Variants in CILP2 observed in about 807,000 individuals in gnomAD.
CILP2 encodes CILP-2.
Under a neutral mutation model 45.6 loss-of-function variants are expected in CILP2, and 38 were observed. The observed-to-expected ratio is 0.83, with a 90% CI of 0.64 to 1.09. The LOEUF is 1.09. Among genes scored for constraint, CILP2 ranks in the 50% least tolerant of loss-of-function variants. The pLI is 0.00. For missense variants in CILP2, 1,735 were observed against 1,662.2 expected, an observed-to-expected ratio of 1.04 and a Z score of -0.76; for synonymous variants, 780 against 723.5, an observed-to-expected ratio of 1.08 and a Z score of -1.25.
chr19:19,540,377 G>T lies in CILP2; in HGVS notation c.337G>T (p.Val113Leu). ...WALPSAVGER[V>L]HLNPTRGFWC... ...CCTGCCGTCCGCCGTCGGCGAGCGC[G>T]TGCACTTGAACCCCACGCGCGGCTT... is the stretch of plus-strand genomic sequence containing the variant. The change falls in exon 3 of 8, where the codon GTG becomes TTG. Residue 113 changes from valine to leucine, a missense_variant. Transcript: ENST00000291495. 6.5e-7 allele frequency: 1 copy of T among 1,543,466 alleles called. No individual in the cohort carries two copies. Among genetic ancestry groups the T allele is most frequent in the Middle Eastern group, 1.7e-4 (1 of 5,754 alleles).
chr19:19,544,678 G>A lies in CILP2; in HGVS notation c.2133G>A (p.Glu711=). ...CGGGCCCCCGGGTGCGCCGGGAGGA[G>A]CGCGTCTTCCTGGTGGGCAACGTGG... is the stretch of plus-strand genomic sequence containing the variant. The part of the protein sequence containing the change: ...GSSGPRVRRE[E]RVFLVGNVEI... Residue 711 remains glutamate, a synonymous_variant, in exon 8 of 8, where the codon GAG becomes GAA. Coordinates refer to ENST00000291495, the MANE Select transcript of CILP2 (RefSeq NM_153221.2). 1.3e-6 allele frequency: 2 copies of A among 1,571,948 alleles called. No homozygotes were observed. Among genetic ancestry groups the A allele is most frequent in the Non-Finnish European group, 1.7e-6 (2 of 1,165,542 alleles).
At chr19:19,538,456 G>T (rs1392721820) in intron 1 of CILP2, 43 bp downstream of exon 1, 2 of 1,428,920 alleles carry the variant, frequency 1.4e-6, no homozygotes, top group Non-Finnish European at 9.2e-7. Flanking sequence ...TGAGGCTCCC[G>T]AGGGCCTGGC....
Position 19,544,498 on chromosome 19 carries a change from C to G in CILP2, c.1953C>G (p.Gly651=). ...GMFSVDLRAP[G]SAEQLQVGPV... is the part of the protein sequence containing the mutation. ...TCTCCGTGGACCTCCGTGCGCCCGG[C>G]TCCGCGGAGCAGCTGCAGGTGGGGC... Residue 651 remains glycine, a synonymous_variant, in exon 8 of 8, where the codon GGC becomes GGG. Transcript: ENST00000291495. 6.2e-7 allele frequency: 1 copy of G among 1,602,486 alleles called. No homozygotes were observed. The highest frequency in any genetic ancestry group is 8.5e-7 in the Non-Finnish European group (1 of 1,177,992).
Position 19,544,249 on chromosome 19 carries a change from C to G in CILP2, c.1704C>G (p.Asn568Lys), listed in dbSNP as rs753265415. ...APVILHTSQSNTIPLGELEDE... is the reference protein window; with the variant it reads ...APVILHTSQSKTIPLGELEDE... Reference sequence around the variant, plus strand: ...TCATTTTACATACCAGCCAGAGCAACACGATCCCCCTGGGCGAGCTGGAAG... The same window carrying G: ...TCATTTTACATACCAGCCAGAGCAAGACGATCCCCCTGGGCGAGCTGGAAG... The change falls in exon 8 of 8, where the codon AAC becomes AAG. Residue 568 changes from asparagine (N) to lysine (K), a missense_variant. Asn to Lys is a moderately conservative substitution (Grantham distance 94). Coordinates refer to ENST00000291495, the MANE Select transcript of CILP2 (RefSeq NM_153221.2). 5 of 1,613,764 alleles carry G rather than the reference C, an allele frequency of 3.1e-6. No homozygotes were observed. The African/African-American group carries it at 6.7e-5, about 22-fold the overall frequency.
Position 19,545,872 on chromosome 19 carries a change from C to T in CILP2, c.3327C>T (p.Ala1109=), listed in dbSNP as rs760335988. 207 of 1,587,408 alleles carry T rather than the reference C, an allele frequency of 1.3e-4. No individual in the cohort carries two copies. Among genetic ancestry groups the T allele is most frequent in the Admixed American group, 6.2e-4 (36 of 58,276 alleles). Residue 1109 remains alanine, a synonymous_variant, in exon 8 of 8, where the codon GCC becomes GCT. Coordinates refer to ENST00000291495, the MANE Select transcript of CILP2 (RefSeq NM_153221.2). ...CCTTCCAGTGCCGGGAGCCACCGGC[C>T]GGACGACCCAGCCTCTTCCAGAGGC... The part of the protein sequence containing the change: ...AVTFQCREPP[A]GRPSLFQRLL...
In CILP2 at chr19:19,544,354, G is replaced by A. The variant is rs1181189513; in HGVS notation, c.1809G>A (p.Val603=). The A allele has an allele frequency of 6.2e-7, 1 of 1,610,658 alleles. No individual in the cohort carries two copies. The highest frequency in any genetic ancestry group is 2.2e-5 in the East Asian group (1 of 44,846). ...ACGGCAAACCCTACTCGGGGCCTGT[G>A]GAGGCCCGGGTGACGTTCGTGGACC... is the stretch of plus-strand genomic sequence containing the variant. The part of the protein sequence containing the change: ...RADGKPYSGP[V]EARVTFVDPR... The change falls in exon 8 of 8, where the codon GTG becomes GTA. Residue 603 remains valine, a synonymous_variant. Coordinates refer to ENST00000291495, the MANE Select transcript of CILP2 (RefSeq NM_153221.2).
Position 19,546,220 on chromosome 19 carries a change from A to G in CILP2, c.*204A>G. 1 of 450,660 alleles carries G rather than the reference A, an allele frequency of 2.2e-6. No individual in the cohort carries two copies. The highest frequency in any genetic ancestry group is 3.8e-6 in the Non-Finnish European group (1 of 262,660). The allele number at this position is 450,660 out of a possible 1,614,324, so 27.9% of individuals were successfully genotyped here. A position where few individuals can be genotyped will look rare whatever the true frequency, so the allele number is the denominator to read the frequency against. Reference sequence around the variant, plus strand: ...AGACAATTGTTGCTGTGTGGTATGGAATGGAGTTTGCGGTGACTCTGGGGC... The same window carrying G: ...AGACAATTGTTGCTGTGTGGTATGGGATGGAGTTTGCGGTGACTCTGGGGC... On this transcript the variant is annotated 3_prime_UTR_variant, in exon 8 of 8. Coordinates refer to ENST00000291495, the MANE Select transcript of CILP2 (RefSeq NM_153221.2).
Position 19,544,878 on chromosome 19 carries a change from G to T in CILP2, c.2333G>T (p.Trp778Leu). ...APGFSANPRAWGRFDSAVTGP... is the reference protein window; with the variant it reads ...APGFSANPRALGRFDSAVTGP... ...GGCTTCTCCGCCAACCCCCGTGCCT[G>T]GGGCCGCTTTGACAGCGCGGTCACC... Residue 778 changes from tryptophan to leucine, a missense_variant, in exon 8 of 8, where the codon TGG becomes TTG. Coordinates refer to ENST00000291495, the MANE Select transcript of CILP2 (RefSeq NM_153221.2). 1 of 1,590,618 alleles carries T rather than the reference G, an allele frequency of 6.3e-7. No individual in the cohort carries two copies. The highest frequency in any genetic ancestry group is 8.5e-7 in the Non-Finnish European group (1 of 1,176,258).
chr19:19,540,417 G>T lies in CILP2; in HGVS notation c.377G>T (p.Arg126Leu), dbSNP rs763206432. Residue 126 changes from arginine (R) to leucine (L), a missense_variant, in exon 3 of 8, where the codon CGC (arginine) becomes CTC (leucine). Physicochemically the swap from Arg to Leu is moderately radical, Grantham distance 102. Transcript: ENST00000291495. ...ACGCGCGGCTTCTGGTGCCTCAACCGCGAGCAACCGCGTGGCCGCCGCTGC... is the reference window on the plus strand; with the variant it reads ...ACGCGCGGCTTCTGGTGCCTCAACCTCGAGCAACCGCGTGGCCGCCGCTGC... Reference protein sequence around the residue: ...NPTRGFWCLNREQPRGRRCSN... With the variant: ...NPTRGFWCLNLEQPRGRRCSN... 2 of 1,491,672 alleles carry T rather than the reference G, an allele frequency of 1.3e-6. No homozygotes were observed. Among genetic ancestry groups the T allele is most frequent in the South Asian group, 1.3e-5 (1 of 77,846 alleles). 92.4% of individuals were successfully genotyped at this position (1,491,672 alleles called of 1,614,324 possible). A position where few individuals can be genotyped will look rare whatever the true frequency, so the allele number is the denominator to read the frequency against.
At position 19,542,884 on chromosome 19, in the gene CILP2, C is replaced by T. The variant is rs2061249501; in HGVS notation, c.889C>T (p.His297Tyr). 1 of 1,613,876 alleles carries T rather than the reference C, an allele frequency of 6.2e-7. No individual in the cohort carries two copies. The highest frequency in any genetic ancestry group is 2.2e-5 in the East Asian group (1 of 44,878). The part of the protein sequence containing the change: ...DKLEKPYLVK[H>Y]PESRVREAGQ... ...CCCAGAGAAGCCGTACCTGGTGAAACACCCTGAGTCCCGAGTGCGAGAGGC... is the reference window on the plus strand; with the variant it reads ...CCCAGAGAAGCCGTACCTGGTGAAATACCCTGAGTCCCGAGTGCGAGAGGC... Residue 297 changes from histidine (H) to tyrosine (Y), a missense_variant, in exon 6 of 8, where the codon CAC (histidine) becomes TAC (tyrosine). Physicochemically the swap from His to Tyr is moderately conservative, Grantham distance 83. Coordinates refer to ENST00000291495, the MANE Select transcript of CILP2 (RefSeq NM_153221.2).
Position 19,544,558 on chromosome 19 carries a change from C to A in CILP2, c.2013C>A (p.His671Gln). ...TGCGGGTGGCCGCCAGCCAGATCCA[C>A]ATGCCAGGCCACGTGGAGGCCCTCA... ...VAVRVAASQIHMPGHVEALKL... is the reference protein window; with the variant it reads ...VAVRVAASQIQMPGHVEALKL... The change falls in exon 8 of 8, where the codon CAC (histidine) becomes CAA (glutamine). Residue 671 changes from histidine to glutamine, a missense_variant. His to Gln is a conservative substitution (Grantham distance 24). Coordinates refer to ENST00000291495, the MANE Select transcript of CILP2 (RefSeq NM_153221.2). 10 of 1,577,552 alleles carry A rather than the reference C, an allele frequency of 6.3e-6. No individual in the cohort carries two copies. Among genetic ancestry groups the A allele is most frequent in the Non-Finnish European group, 8.6e-6 (10 of 1,167,900 alleles).
At position 19,545,697 on chromosome 19, in the gene CILP2, C is replaced by T. The variant is rs1469385705; in HGVS notation, c.3152C>T (p.Pro1051Leu). ...EDPAAFSMLA[P>L]LDPLGHNYGV... is the part of the protein sequence containing the mutation. ...CCAGCTGCCTTCTCCATGCTGGCCC[C>T]CCTAGACCCTCTGGGCCACAACTAT... Residue 1051 changes from proline to leucine, a missense_variant, in exon 8 of 8, where the codon CCC (proline) becomes CTC (leucine). Physicochemically the swap from Pro to Leu is moderately conservative, Grantham distance 98. Transcript: ENST00000291495. The T allele has an allele frequency of 6.2e-7, 1 of 1,612,738 alleles. No homozygotes were observed. Among genetic ancestry groups the T allele is most frequent in the Non-Finnish European group, 8.5e-7 (1 of 1,179,668 alleles).
chr19:19,543,783 G>T lies in CILP2; in HGVS notation c.1238G>T (p.Gly413Val). Reference protein sequence around the residue: ...PGSGPAYLDVGLCPDTRCPSL... With the variant: ...PGSGPAYLDVVLCPDTRCPSL... ...AGTGGCCCTGCCTACCTGGATGTGGGCCTCTGTCCCGACACCCGCTGCCCC... is the reference window on the plus strand; with the variant it reads ...AGTGGCCCTGCCTACCTGGATGTGGTCCTCTGTCCCGACACCCGCTGCCCC... The change falls in exon 8 of 8, where the codon GGC (glycine) becomes GTC (valine). Residue 413 changes from glycine (G) to valine (V), a missense_variant. By Grantham distance (109) the Gly-to-Val change is moderately radical (BLOSUM62 -3). Transcript: ENST00000291495. 1 of 1,613,944 alleles carries T rather than the reference G, an allele frequency of 6.2e-7. No homozygotes were observed. Among genetic ancestry groups the T allele is most frequent in the Non-Finnish European group, 8.5e-7 (1 of 1,179,964 alleles).
rs2144679242 is a variant in CILP2 at position 19,544,488 on chromosome 19, G to A, written c.1943G>A (p.Arg648His). 6.2e-7 allele frequency: 1 copy of A among 1,605,764 alleles called. No homozygotes were observed. Among genetic ancestry groups the A allele is most frequent in the Non-Finnish European group, 8.5e-7 (1 of 1,178,988 alleles). The change falls in exon 8 of 8, where the codon CGT (arginine) becomes CAT (histidine). Residue 648 changes from arginine to histidine, a missense_variant. Transcript: ENST00000291495. ...TACGGCATGTTCTCCGTGGACCTCCGTGCGCCCGGCTCCGCGGAGCAGCTG... is the reference window on the plus strand; with the variant it reads ...TACGGCATGTTCTCCGTGGACCTCCATGCGCCCGGCTCCGCGGAGCAGCTG... ...RTYGMFSVDL[R>H]APGSAEQLQV...
rs137977776 is a variant in CILP2 at position 19,543,905 on chromosome 19, G to A, written c.1360G>A (p.Val454Ile). ...AAGGGAGATTCACTGCCCTGGCTAC[G>A]TCCTCCCAGTGAAGGTGGTGGCAGA... ...ERREIHCPGY[V>I]LPVKVVAECG... Residue 454 changes from valine (V) to isoleucine (I), a missense_variant, in exon 8 of 8, where the codon GTC becomes ATC. Transcript: ENST00000291495. 5 of 1,613,746 alleles carry A rather than the reference G, an allele frequency of 3.1e-6. No individual in the cohort carries two copies. The highest frequency in any genetic ancestry group is 1.7e-5 in the Admixed American group (1 of 59,984).
rs186723290 is a variant in CILP2, at chr19:19,540,896, C to T, written c.437-195C>T. ...GCGGGGGTGGGGAGGTGGGTCGGTA[C>T]CTAAACTATGTCTTCGACAGGCGCG... is the stretch of plus-strand genomic sequence containing the variant. On this transcript the variant is annotated intron_variant, in intron 3 of 7. Coordinates refer to ENST00000291495, the MANE Select transcript of CILP2 (RefSeq NM_153221.2). The T allele has an allele frequency of 4.1e-4, 196 of 478,242 alleles. 1 individual carries two copies. The highest frequency in any genetic ancestry group is 3.7e-3 in the African/African-American group (183 of 50,008). 29.6% of individuals were successfully genotyped at this position (478,242 alleles called of 1,614,324 possible). A position where few individuals can be genotyped will look rare whatever the true frequency, so the allele number is the denominator to read the frequency against.
intron 1 of CILP2, among the ~76,000 whole-genome samples, chr19:19,539,211 C>A (rs982002825): frequency 6.6e-6 from 1 of 152,052 alleles, no homozygotes; most frequent in Non-Finnish European, 1.5e-5. Context: ...TGTATGGCAG[C>A]CCTTGGGGCT....
Position 19,542,597 on chromosome 19 carries a change from A to G in CILP2, c.815A>G (p.Gln272Arg). The G allele has an allele frequency of 6.2e-7, 1 of 1,614,090 alleles. No homozygotes were observed. The highest frequency in any genetic ancestry group is 8.5e-7 in the Non-Finnish European group (1 of 1,180,032). The change falls in exon 5 of 8, where the codon CAG becomes CGG. Residue 272 changes from glutamine (Q) to arginine (R), a missense_variant. Physicochemically the swap from Gln to Arg is conservative, Grantham distance 43. Transcript: ENST00000291495. ...GATGGCTTCTCTGCAGGGGAGGCCC[A>G]GGCCCAGGCCAACGGATCCATCTCT... ...QMDGFSAGEA[Q>R]AQANGSISVV... is the part of the protein sequence containing the mutation.
In CILP2 at chr19:19,543,699, G is replaced by T. The variant is rs756572363; in HGVS notation, c.1154G>T (p.Cys385Phe). Reference sequence around the variant, plus strand: ...TCCCCAGCCCCAGGCCAGCCAGCCTGCGACCCCCGGCCCCGAGAGTACCTG... The same window carrying T: ...TCCCCAGCCCCAGGCCAGCCAGCCTTCGACCCCCGGCCCCGAGAGTACCTG... ...LTVLAPGQPA[C>F]DPRPREYLIK... The change falls in exon 8 of 8, where the codon TGC becomes TTC. Residue 385 changes from cysteine to phenylalanine, a missense_variant. Cys to Phe is a radical substitution (Grantham distance 205, BLOSUM62 -2). Coordinates refer to ENST00000291495, the MANE Select transcript of CILP2 (RefSeq NM_153221.2). The T allele has an allele frequency of 2.1e-5, 33 of 1,595,422 alleles. No homozygotes were observed. In the Admixed American group the frequency reaches 2.9e-4, roughly 14 times the overall value.
Sources: gnomAD v4.1 joint callset for allele counts (sites outside exome capture counted in the v4.1 genomes callset) on GRCh38, gnomAD v4.1.1 for gene constraint, MANE v1.5 for transcripts, NCBI Gene and HGNC (gene_info 2026-07-23, HGNC 2026-07-21) for gene names.